Variants in COL4A4 observed in about 807,000 individuals in gnomAD.
The protein encoded by COL4A4 is collagen type IV alpha 4 chain, also known as collagen alpha-4(IV) chain.
A neutral mutation model predicts 192.9 loss-of-function variants in COL4A4; 105 were observed. The ratio of observed to expected loss-of-function variants is 0.54; its 90% CI spans 0.46 to 0.64. The LOEUF (loss-of-function observed/expected upper bound fraction) is 0.64, where lower values mean the gene tolerates loss of function less well. COL4A4 is among the 30% of genes least tolerant of loss of function. The probability of loss-of-function intolerance (pLI) is 0.00; values close to 1 mark genes in which losing one functional copy is unlikely to be tolerated. For missense variants in COL4A4, 1,967 were observed against 2,169.3 expected, an observed-to-expected ratio of 0.91 and a Z score of 1.85; for synonymous variants, 762 against 769.9, an observed-to-expected ratio of 0.99 and a Z score of 0.17.
chr2:227,145,274 C>T (rs2063475755), intron 2 of COL4A4, among the ~76,000 whole-genome samples: 1 of 152,022 alleles, frequency 6.6e-6, no homozygotes, highest in South Asian at 2.1e-4. Flanking sequence ...ATGACGAAAC[C>T]CCATCTCTAC....
At chr2:226,999,220 A>G (rs943220299), downstream of COL4A4, 1 of 152,218 alleles carries the variant, frequency 6.6e-6, no homozygotes, top group African/African-American at 2.4e-5. Context: ...AGAGAAGCTC[A>G]TTTATACTGT....
At chr2:227,054,775 T>G in intron 30 of COL4A4, 38 bp from the exon 31 acceptor site, 1 of 1,579,664 alleles carries the variant, frequency 6.3e-7, no homozygotes, top group East Asian at 2.4e-5. Context: ...GGAAAATATT[T>G]TATTTGTTAT....
intron 7 of COL4A4, among the ~76,000 whole-genome samples, chr2:227,115,269 CTTTTTTTTT>C (rs1187419564): frequency 8.1e-6 from 1 of 123,968 alleles, no homozygotes; most frequent in African/African-American, 3.2e-5. Context: ...TACTTTAATT[CTTTTTTTTT>C]TTTTTTTTTT....
chr2:227,132,530 C>A (rs190317238), intron 4 of COL4A4, among the ~76,000 whole-genome samples: 31 of 152,236 alleles, frequency 2.0e-4, no homozygotes, highest in Non-Finnish European at 3.5e-4. Flanking sequence ...AATCCCAGCA[C>A]TTTGGGAGGC....
At chr2:226,988,597 G>A in the COL4A4 span, 9 of 1,361,876 alleles carry the variant, frequency 6.6e-6, no homozygotes, top group Non-Finnish European at 8.5e-6. Context: ...AAGAGGCCGG[G>A]GGCTCCAGCT....
chr2:227,098,237 A>G (rs1167233791), intron 19 of COL4A4, among the ~76,000 whole-genome samples: 1 of 152,214 alleles, frequency 6.6e-6, no homozygotes, highest in Admixed American at 6.5e-5. Context: ...TTACAAGTAG[A>G]TGTCAACAGG....
chr2:227,155,061 T>C (rs1389615030), intron 1 of COL4A4, among the ~76,000 whole-genome samples: 1 of 152,220 alleles, frequency 6.6e-6, no homozygotes, highest in African/African-American at 2.4e-5. Flanking sequence ...GGAATGTGGA[T>C]GGAGCTTCAT....
In COL4A4 at chr2:227,044,061, T is replaced by A. The variant is rs114264740; in HGVS notation, c.3290-877A>T. Among the ~76,000 whole-genome samples, 894 of 152,298 alleles carry A rather than the reference T, an allele frequency of 5.9e-3. 10 individuals carry two copies. The highest frequency in any genetic ancestry group is 0.02 in the African/African-American group (843 of 41,570). On this transcript the variant is annotated intron_variant, in intron 35 of 47. Coordinates refer to ENST00000396625, the MANE Select transcript of COL4A4 (RefSeq NM_000092.5). ...GACTTGCTGCAGAGCACAATTCAGT[T>A]CTTCTCTAGTTTTCTAGAACAGACC...
intron 25 of COL4A4, among the ~76,000 whole-genome samples, chr2:227,064,934 G>C (rs2058203773): frequency 6.6e-6 from 1 of 152,168 alleles, no homozygotes; most frequent in Admixed American, 6.5e-5. Context: ...CAGCGCGCGC[G>C]ACGCAGAAGA....
chr2:227,013,712 C>T (rs777728253), intron 44 of COL4A4, among the ~76,000 whole-genome samples: 3 of 152,166 alleles, frequency 2.0e-5, no homozygotes, highest in Non-Finnish European at 4.4e-5. Context: ...TGTGGCGGCC[C>T]GAGCAGACCA....
At chr2:227,105,035 G>T (rs1257854553) in intron 12 of COL4A4, among the ~76,000 whole-genome samples, 1 of 151,762 alleles carries the variant, frequency 6.6e-6, no homozygotes, top group Non-Finnish European at 1.5e-5. Context: ...TTTGTTTTAT[G>T]TTTATGAAAA....
At chr2:226,976,104 G>A in the COL4A4 span, among the ~76,000 whole-genome samples, 2 of 151,588 alleles carry the variant, frequency 1.3e-5, no homozygotes, top group Non-Finnish European at 2.9e-5. Flanking sequence ...AAAGCCCCAA[G>A]TTTTTGGTAC....
At chr2:227,156,182 T>C (rs183064440) in intron 1 of COL4A4, among the ~76,000 whole-genome samples, 83 of 152,176 alleles carry the variant, frequency 5.5e-4, no homozygotes, top group African/African-American at 2.0e-3. Flanking sequence ...ATGGATCACT[T>C]GAGCCCAGGA....
Position 227,089,874 on chromosome 2 carries a change from C to A in COL4A4, c.1453G>T (p.Glu485Ter), listed in dbSNP as rs754875125. 1 of 1,613,170 alleles carries A rather than the reference C, an allele frequency of 6.2e-7. No individual in the cohort carries two copies. ...ACCTTTGGTGCCTACTTGCCTTTTT[C>A]TCCTTTTGGGCCTCTTCCTCCTGGG... ...GPPGGRGPKGEKGNEGLCACE... is the reference protein window; with the variant it reads ...GPPGGRGPKG Residue 485 changes from glutamate to a stop codon, truncating the protein, a stop_gained, in exon 21 of 48, where the codon GAA becomes TAA. Coordinates refer to ENST00000396625, the MANE Select transcript of COL4A4 (RefSeq NM_000092.5). LOFTEE classifies it high-confidence loss of function.
At chr2:226,991,032 T>C in the COL4A4 span, among the ~76,000 whole-genome samples, 2 of 152,244 alleles carry the variant, frequency 1.3e-5, no homozygotes, top group Non-Finnish European at 2.9e-5. Flanking sequence ...AGCGTGCTGC[T>C]TAATGAAAGT....
chr2:227,033,567 AGGG>A, intron 37 of COL4A4, 86 bp from the exon 38 acceptor site: 2 of 1,207,584 alleles, frequency 1.7e-6, no homozygotes, highest in Non-Finnish European at 2.4e-6. Flanking sequence ...TGCCCAGCAG[AGGG>A]CGCGTTGCTG....
chr2:227,030,338 C>G lies in COL4A4; in HGVS notation c.3973+105G>C. The G allele has an allele frequency of 2.4e-6, 3 of 1,263,222 alleles. No homozygotes were observed. The South Asian group carries it at 3.7e-5, about 15-fold the overall frequency. 78.3% of individuals were successfully genotyped at this position (1,263,222 alleles called of 1,614,324 possible). ...AAATAAGGACATTTTGGAAGGTAGT[C>G]ACTTTGTTTGCATAGGAAATAGAAA... On this transcript the variant is annotated intron_variant, in intron 41 of 47. Coordinates refer to ENST00000396625, the MANE Select transcript of COL4A4 (RefSeq NM_000092.5).
chr2:227,005,566 A>AAAT lies in COL4A4; in HGVS notation c.*1756_*1758dup, dbSNP rs377565682. On this transcript the variant is annotated 3_prime_UTR_variant, in exon 48 of 48. Coordinates refer to ENST00000396625, the MANE Select transcript of COL4A4 (RefSeq NM_000092.5). Reference sequence around the variant, plus strand: ...TACATCAAGAAAATATTTCATCTTAAAATACACATTTTTCTTTTTACCAGA... The same window carrying AAAT: ...TACATCAAGAAAATATTTCATCTTAAAATAATACACATTTTTCTTTTTACCAGA... 5 of 152,348 alleles carry AAAT rather than the reference A, an allele frequency of 3.3e-5. No homozygotes were observed. The highest frequency in any genetic ancestry group is 1.2e-4 in the African/African-American group (5 of 41,568). The allele number at this position is 152,348 out of a possible 1,614,324, so 9.4% of individuals were successfully genotyped here.
intron 9 of COL4A4, among the ~76,000 whole-genome samples, chr2:227,109,827 G>A (rs2061092943): frequency 2.0e-5 from 3 of 151,072 alleles, no homozygotes; most frequent in African/African-American, 7.3e-5. Flanking sequence ...GTCCAGTTAA[G>A]ACCCAGAGAT....
Sources: allele counts gnomAD v4.1 joint callset (sites outside exome capture counted in the v4.1 genomes callset), GRCh38; gene constraint gnomAD v4.1.1; transcripts MANE v1.5; gene names NCBI Gene and HGNC (gene_info 2026-07-23, HGNC 2026-07-21).